Variants in CDC42BPA observed in about 807,000 individuals in gnomAD.
CDC42BPA encodes serine/threonine-protein kinase MRCK alpha.
In CDC42BPA, 80 loss-of-function variants were observed where a neutral mutation model predicts 223.5. The observed-to-expected ratio is 0.36, with a 90% CI of 0.30 to 0.43. The LOEUF is 0.43. CDC42BPA is among the 20% of genes least tolerant of loss of function. The probability of loss-of-function intolerance (pLI) is 1.00; values close to 1 mark genes in which losing one functional copy is unlikely to be tolerated. For missense variants in CDC42BPA, 1,743 were observed against 2,099.9 expected, an observed-to-expected ratio of 0.83 and a Z score of 3.32; for synonymous variants, 694 against 718.6, an observed-to-expected ratio of 0.97 and a Z score of 0.55.
intron 20 of CDC42BPA, among the ~76,000 whole-genome samples, chr1:227,070,115 T>TA (rs1283850584): frequency 4.0e-5 from 6 of 151,826 alleles, no homozygotes; most frequent in Non-Finnish European, 8.9e-5. Flanking sequence ...TAGTAAATAA[T>TA]AAAAAACCAC....
chr1:227,042,505 A>G (rs1360332572), intron 23 of CDC42BPA, among the ~76,000 whole-genome samples: 1 of 152,158 alleles, frequency 6.6e-6, no homozygotes, highest in Non-Finnish European at 1.5e-5. Context: ...ACGGGTTTAT[A>G]TTTCACTAAT....
chr1:227,047,706 A>C (rs1007010704), intron 23 of CDC42BPA, among the ~76,000 whole-genome samples: 1 of 152,188 alleles, frequency 6.6e-6, no homozygotes, highest in Non-Finnish European at 1.5e-5. Flanking sequence ...ACTTCTTATT[A>C]TAACAGACTT....
chr1:227,179,782 GA>G (rs5781474), intron 5 of CDC42BPA, among the ~76,000 whole-genome samples: 117,581 of 148,654 alleles, frequency 0.79, 47,023 homozygotes, highest in African/African-American at 0.9. Flanking sequence ...AAAAAAGTTT[GA>G]AAAAAAAAAA....
chr1:227,081,092 T>A, intron 16 of CDC42BPA, 75 bp from the exon 17 acceptor site: 1 of 1,475,934 alleles, frequency 6.8e-7, no homozygotes. Context: ...ATTGTCAAAT[T>A]TGATTACTCA....
rs1364694205 is a variant in CDC42BPA, at chr1:227,112,724, T to C, written c.1837A>G (p.Lys613Glu). ...KEEEVDLVMQ[K>E]VESLRQELRR... is the part of the protein sequence containing the mutation. The stretch of plus-strand genomic sequence containing the variant: ...AGTTCTTGCCTTAAGCTTTCAACTT[T>C]TTGCATCACCAGGTCCACCTCTTCT... The change falls in exon 13 of 37, where the codon AAA (lysine) becomes GAA (glutamate). Residue 613 changes from lysine (K) to glutamate (E), a missense_variant. Transcript: ENST00000366766. The C allele has an allele frequency of 5.6e-6, 9 of 1,614,020 alleles. No individual in the cohort carries two copies. The highest frequency in any genetic ancestry group is 7.6e-6 in the Non-Finnish European group (9 of 1,180,012).
intron 24 of CDC42BPA, among the ~76,000 whole-genome samples, chr1:227,039,683 A>T (rs1670981158): frequency 2.6e-5 from 4 of 152,072 alleles, no homozygotes; most frequent in Admixed American, 2.0e-4. Context: ...TTCCATAAAC[A>T]TGTGATGAAT....
At chr1:227,090,649 A>G (rs1682899044) in intron 16 of CDC42BPA, among the ~76,000 whole-genome samples, 1 of 152,104 alleles carries the variant, frequency 6.6e-6, no homozygotes, top group Admixed American at 6.6e-5. Context: ...CAACTCTACT[A>G]AAAGTACAAA....
chr1:227,263,450 C>A (rs563684492), intron 1 of CDC42BPA, among the ~76,000 whole-genome samples: 32 of 152,214 alleles, frequency 2.1e-4, no homozygotes, highest in South Asian at 1.2e-3. Context: ...CAATTTACAG[C>A]ATAGTGGTCA....
At chr1:227,128,315 C>G (rs1206856450) in intron 11 of CDC42BPA, among the ~76,000 whole-genome samples, 1 of 152,168 alleles carries the variant, frequency 6.6e-6, no homozygotes, top group African/African-American at 2.4e-5. Flanking sequence ...GTCAGGCCTA[C>G]CCCTGGAGCA....
rs1440542536 is a variant in CDC42BPA, at chr1:227,019,206, T to C, written c.4616-2156A>G. The stretch of plus-strand genomic sequence containing the variant: ...ATATTTTCTTGTTTTTTCAACAATG[T>C]TCTTAACATCTTCACCATGAGTAGA... On this transcript the variant is annotated intron_variant, in intron 32 of 36. Coordinates refer to ENST00000366766, the MANE Select transcript of CDC42BPA (RefSeq NM_001394014.1). Among the ~76,000 whole-genome samples, 4 of 152,230 alleles carry C rather than the reference T, an allele frequency of 2.6e-5. No homozygotes were observed. The South Asian group carries it at 6.2e-4, about 24-fold the overall frequency.
chr1:227,193,092 A>G (rs2150144481), intron 5 of CDC42BPA, among the ~76,000 whole-genome samples: 1 of 132,314 alleles, frequency 7.6e-6, no homozygotes, highest in South Asian at 2.4e-4. Context: ...TTTTGGAGAC[A>G]GAGTCTCGCT....
chr1:227,311,360 C>T (rs7541220), intron 1 of CDC42BPA, among the ~76,000 whole-genome samples: 46,804 of 151,910 alleles, frequency 0.31, 7,394 homozygotes, highest in East Asian at 0.37. Context: ...CTCATCAAGA[C>T]AGGGCAAAAG....
chr1:227,232,142 C>T (rs1678100282), intron 2 of CDC42BPA, among the ~76,000 whole-genome samples: 1 of 152,154 alleles, frequency 6.6e-6, no homozygotes, highest in Non-Finnish European at 1.5e-5. Flanking sequence ...TTTAATCCAT[C>T]TTGAATTAAT....
At chr1:227,033,883 G>A (rs559067626) in intron 26 of CDC42BPA, among the ~76,000 whole-genome samples, 1 of 152,222 alleles carries the variant, frequency 6.6e-6, no homozygotes, top group African/African-American at 2.4e-5. Flanking sequence ...TTACAGGCTT[G>A]ACACCTTAGT....
intron 1 of CDC42BPA, among the ~76,000 whole-genome samples, chr1:227,306,013 GATC>G (rs1232427740): frequency 6.6e-6 from 1 of 151,886 alleles, no homozygotes; most frequent in Non-Finnish European, 1.5e-5. Flanking sequence ...AAGTAAACAG[GATC>G]ATATTAAAAA....
At position 227,080,920 on chromosome 1, in the gene CDC42BPA, T is replaced by C; in HGVS notation, c.2453A>G (p.Glu818Gly). 1.9e-6 allele frequency: 3 copies of C among 1,613,792 alleles called. No homozygotes were observed. The highest frequency in any genetic ancestry group is 2.5e-6 in the Non-Finnish European group (3 of 1,179,862). Residue 818 changes from glutamate (E) to glycine (G), a missense_variant, in exon 17 of 37, where the codon GAA becomes GGA. Around this residue, in one of 6 missense-constraint regions of CDC42BPA, gnomAD observed 464 missense variants for 488.0 expected, o/e 0.95. Transcript: ENST00000366766. ...ADKKESVAHW[E>G]AQITEIIQWV... Reference sequence around the variant, plus strand: ...CTGAATTATTTCTGTGATTTGGGCTTCCCAATGTGCAACTGATTCTTTCTT... The same window carrying C: ...CTGAATTATTTCTGTGATTTGGGCTCCCCAATGTGCAACTGATTCTTTCTT...
intron 14 of CDC42BPA, among the ~76,000 whole-genome samples, chr1:227,104,790 G>A (rs1231972988): frequency 1.3e-5 from 2 of 152,090 alleles, no homozygotes; most frequent in African/African-American, 4.8e-5. Context: ...TCAGGGTGAT[G>A]TATCTTACAA....
Position 227,091,931 on chromosome 1 carries a change from C to A in CDC42BPA, c.2310G>T (p.Val770=), listed in dbSNP as rs775899321. Reference sequence around the variant, plus strand: ...GCTTTTTATTTTCTTCAGTTAACAACACTTTTTCTCGTTCATATTGTTGTT... The same window carrying A: ...GCTTTTTATTTTCTTCAGTTAACAAAACTTTTTCTCGTTCATATTGTTGTT... ...EFKQQYEREK[V]LLTEENKKLT... is the part of the protein sequence containing the mutation. The change falls in exon 16 of 37, where the codon GTG becomes GTT. Residue 770 remains valine (V), a synonymous_variant. Coordinates refer to ENST00000366766, the MANE Select transcript of CDC42BPA (RefSeq NM_001394014.1). 1 of 1,609,118 alleles carries A rather than the reference C, an allele frequency of 6.2e-7. No individual in the cohort carries two copies. Among genetic ancestry groups the A allele is most frequent in the Non-Finnish European group, 8.5e-7 (1 of 1,178,064 alleles).
chr1:227,025,184 A>G lies in CDC42BPA; in HGVS notation c.4530+871T>C, dbSNP rs143097426. On this transcript the variant is annotated intron_variant, in intron 31 of 36. Coordinates refer to ENST00000366766, the MANE Select transcript of CDC42BPA (RefSeq NM_001394014.1). ...CTTGAACCCAGGAGATGGAGGCTGC[A>G]GTGAGCTGATATCATGTCACTGCAC... 8.9e-3 allele frequency among the ~76,000 whole-genome samples: 1,353 copies of G among 152,320 alleles called. 8 individuals carry two copies. The highest frequency in any genetic ancestry group is 0.013 in the Non-Finnish European group (872 of 68,012).
Sources: allele counts gnomAD v4.1 joint callset (sites outside exome capture counted in the v4.1 genomes callset), GRCh38; gene constraint gnomAD v4.1.1; regional missense constraint gnomAD v4.1.1; transcripts MANE v1.5; gene names NCBI Gene and HGNC (gene_info 2026-07-23, HGNC 2026-07-21).